DST: variants seen among roughly 807,000 people sequenced by gnomAD.
DST encodes the protein bullous pemphigoid antigen.
A neutral mutation model predicts 875.2 loss-of-function variants in DST; 253 were observed. The ratio of observed to expected loss-of-function variants is 0.29; its 90% CI spans 0.26 to 0.32. The LOEUF is 0.32. DST is among the 10% of genes least tolerant of loss of function. DST has a pLI of 1.00. For missense variants in DST, 8,287 were observed against 9,111.6 expected, an observed-to-expected ratio of 0.91 and a Z score of 3.68; for synonymous variants, 3,124 against 3,197.1, an observed-to-expected ratio of 0.98 and a Z score of 0.77.
At chr6:56,638,921 G>A (rs1242018801) in intron 22 of DST, 1 of 350,112 alleles carries the variant, frequency 2.9e-6, no homozygotes, top group East Asian at 7.0e-5. Flanking sequence ...TTCTTGGTAG[G>A]AAAATGAGGC....
chr6:56,888,542 A>G (rs1051125651), intron 3 of DST, among the ~76,000 whole-genome samples: 1 of 152,214 alleles, frequency 6.6e-6, no homozygotes, highest in Admixed American at 6.5e-5. Flanking sequence ...GGTTATGCAC[A>G]TAGAGCTGCC....
chr6:56,921,011 T>C (rs1231292975), intron 2 of DST, among the ~76,000 whole-genome samples: 1 of 150,066 alleles, frequency 6.7e-6, no homozygotes, highest in Non-Finnish European at 1.5e-5. Flanking sequence ...CCCAAAGTGC[T>C]GGGATTACAG....
chr6:56,918,876 G>A lies in DST; in HGVS notation c.217-18255C>T, dbSNP rs183830556. On this transcript the variant is annotated intron_variant, in intron 2 of 103. Coordinates refer to ENST00000680361, the MANE Select transcript of DST (RefSeq NM_001374736.1). ...ACTCCTGCACTCCAGCCTGGGTGACGGAGTGAGTTTGAATTTGCGTTATTT... is the reference window on the plus strand; with the variant it reads ...ACTCCTGCACTCCAGCCTGGGTGACAGAGTGAGTTTGAATTTGCGTTATTT... Among the ~76,000 whole-genome samples, 329 of 152,208 alleles carry A rather than the reference G, an allele frequency of 2.2e-3. 4 individuals carry two copies. Among genetic ancestry groups the A allele is most frequent in the African/African-American group, 7.3e-3 (305 of 41,526 alleles).
rs763356148 is a variant in DST, at chr6:56,517,187, C to T, written c.18357+11G>A. The stretch of plus-strand genomic sequence containing the variant: ...AAGAGTCCCACTACCAGTCCACAGA[C>T]AAGATTATACCTTCATTGATTGCTT... On this transcript the variant is annotated intron_variant, in intron 71 of 103. Transcript: ENST00000680361. 2 of 1,601,486 alleles carry T rather than the reference C, an allele frequency of 1.2e-6. No individual in the cohort carries two copies. Among genetic ancestry groups the T allele is most frequent in the South Asian group, 1.1e-5 (1 of 90,632 alleles).
chr6:56,901,417 G>A (rs1435434709), intron 2 of DST, among the ~76,000 whole-genome samples: 1 of 152,162 alleles, frequency 6.6e-6, no homozygotes, highest in Non-Finnish European at 1.5e-5. Flanking sequence ...CCAACATGGC[G>A]AAACCCTGTC....
At chr6:56,911,048 G>C (rs1469176434) in intron 2 of DST, among the ~76,000 whole-genome samples, 1 of 152,174 alleles carries the variant, frequency 6.6e-6, no homozygotes, top group Non-Finnish European at 1.5e-5. Flanking sequence ...GCTGCCTGAG[G>C]AAGCATGTTT....
chr6:56,819,725 G>GCCCTGCTATGTGTCAT lies in DST; in HGVS notation c.625+31671_625+31672insATGACACATAGCAGGG, dbSNP rs373287461. ...CAGGTACTACAATAACATTTATAGA[G>GCCCTGCTATGTGTCAT]GCACTCTGCAAGGGTTGGGTTAATG... On this transcript the variant is annotated intron_variant, in intron 4 of 103. Transcript: ENST00000680361. 3.3e-3 allele frequency among the ~76,000 whole-genome samples: 508 copies of GCCCTGCTATGTGTCAT among 152,228 alleles called. 4 individuals are homozygous for GCCCTGCTATGTGTCAT. Among genetic ancestry groups the GCCCTGCTATGTGTCAT allele is most frequent in the African/African-American group, 0.012 (493 of 41,546 alleles).
intron 84 of DST, 120 bp from the exon 85 acceptor site, chr6:56,492,553 C>A (rs948769885): frequency 2.9e-6 from 3 of 1,033,206 alleles, no homozygotes; most frequent in African/African-American, 1.6e-5. Context: ...TTCGAAATAC[C>A]AAATGCATGC....
At chr6:56,626,682 T>C (rs1216894538) in intron 34 of DST, among the ~76,000 whole-genome samples, 1 of 152,172 alleles carries the variant, frequency 6.6e-6, no homozygotes, top group Non-Finnish European at 1.5e-5. Flanking sequence ...GCTTCCAAGA[T>C]GGGGACAAAA....
intron 96 of DST, 52 bp from the exon 97 acceptor site, chr6:56,470,009 CA>C: frequency 6.2e-7 from 1 of 1,604,888 alleles, no homozygotes; most frequent in Non-Finnish European, 8.5e-7. Context: ...TTACATAGTA[CA>C]ATCCTTAAAA....
intron 10 of DST, among the ~76,000 whole-genome samples, chr6:56,661,689 C>T (rs533741599): frequency 5.3e-5 from 8 of 151,994 alleles, no homozygotes; most frequent in South Asian, 2.1e-4. Context: ...CAGGTTCAAG[C>T]GATTCCCCTG....
rs1884285 is a variant in DST at position 56,561,123 on chromosome 6, T to A, written c.14310+185A>T. On this transcript the variant is annotated intron_variant, in intron 57 of 103. Transcript: ENST00000680361. The stretch of plus-strand genomic sequence containing the variant: ...CTATGACATGGCTGTGCCAAAAATT[T>A]AAAAAAAAGTAACTATTATTATCAA... Among the ~76,000 whole-genome samples, 57,958 of 151,464 alleles carry A rather than the reference T, an allele frequency of 0.38. 11,422 individuals are homozygous for A. The highest frequency in any genetic ancestry group is 0.43 in the Admixed American group (6,613 of 15,206).
intron 4 of DST, among the ~76,000 whole-genome samples, chr6:56,828,580 T>C (rs2099783506): frequency 6.6e-6 from 1 of 152,228 alleles, no homozygotes; most frequent in African/African-American, 2.4e-5. Context: ...GAAAGCAGCT[T>C]CTATACACCA....
intron 63 of DST, 67 bp downstream of exon 63, chr6:56,535,055 A>G: frequency 6.4e-7 from 1 of 1,569,700 alleles, no homozygotes; most frequent in Non-Finnish European, 8.7e-7. Context: ...AAGAGTCACA[A>G]TTTGCATTTT....
intron 74 of DST, 67 bp from the exon 75 acceptor site, chr6:56,508,822 A>G (rs776653137): frequency 1.7e-4 from 216 of 1,288,786 alleles, no homozygotes; most frequent in Non-Finnish European, 2.2e-4. Flanking sequence ...GCAGAATGTT[A>G]TAGTTCACAC....
intron 2 of DST, among the ~76,000 whole-genome samples, chr6:56,920,955 G>C (rs530800829): frequency 1.4e-5 from 2 of 138,434 alleles, no homozygotes; most frequent in South Asian, 2.3e-4. Context: ...CGTTGCCCAG[G>C]TTGATCTGGA....
intron 4 of DST, among the ~76,000 whole-genome samples, chr6:56,836,262 G>A (rs1328219923): frequency 6.6e-6 from 1 of 151,890 alleles, no homozygotes; most frequent in Non-Finnish European, 1.5e-5. Flanking sequence ...TATAGTTTAG[G>A]CCAAATATAC....
chr6:56,470,006 G>C (rs778000409), intron 96 of DST, 49 bp from the exon 97 acceptor site: 1 of 1,603,584 alleles, frequency 6.2e-7, no homozygotes, highest in Non-Finnish European at 8.5e-7. Flanking sequence ...ATATTACATA[G>C]TACAATCCTT....
chr6:56,941,455 T>A (rs1290854907), intron 2 of DST, among the ~76,000 whole-genome samples: 1 of 152,138 alleles, frequency 6.6e-6, no homozygotes, highest in African/African-American at 2.4e-5. Context: ...CGTGAATGAG[T>A]CATGTAAGTA....
Sources: allele counts gnomAD v4.1 joint callset (sites outside exome capture counted in the v4.1 genomes callset), GRCh38; gene constraint gnomAD v4.1.1; transcripts MANE v1.5; gene names NCBI Gene and HGNC (gene_info 2026-07-23, HGNC 2026-07-21).